Variants in ATG5 observed in about 807,000 individuals in gnomAD.
ATG5 encodes the protein autophagy protein 5.
A neutral mutation model predicts 36.5 loss-of-function variants in ATG5; 14 were observed. The ratio of observed to expected loss-of-function variants is 0.38; its 90% CI spans 0.25 to 0.60. The LOEUF (loss-of-function observed/expected upper bound fraction) is 0.60, where lower values mean the gene tolerates loss of function less well. ATG5 is among the 20% of genes least tolerant of loss of function. The pLI is 0.60. For synonymous variants in ATG5, 95 were observed against 101.5 expected (o/e 0.94, Z 0.38); for missense variants, 195 against 326.7 (o/e 0.60, Z 3.11).
At chr6:106,237,325 A>T (rs779574931) in intron 6 of ATG5, among the ~76,000 whole-genome samples, 29 of 152,208 alleles carry the variant, frequency 1.9e-4, no homozygotes, top group Non-Finnish European at 3.8e-4. Context: ...TAACTGAACC[A>T]AACTATGCCC....
Position 106,195,857 on chromosome 6 carries a change from T to A in ATG5, c.691+6115A>T, listed in dbSNP as rs1776161609. ...ACCACAAGGGAAGTCACACTGTGTATCCCCTAGAAAAGGATGTACACGTAG... is the reference window on the plus strand; with the variant it reads ...ACCACAAGGGAAGTCACACTGTGTAACCCCTAGAAAAGGATGTACACGTAG... On this transcript the variant is annotated intron_variant, in intron 7 of 7. Transcript: ENST00000369076. Among the ~76,000 whole-genome samples, 5 of 145,914 alleles carry A rather than the reference T, an allele frequency of 3.4e-5. No individual in the cohort carries two copies. The South Asian group carries it at 1.1e-3, about 33-fold the overall frequency.
chr6:106,217,178 T>C (rs1395266584), intron 6 of ATG5, among the ~76,000 whole-genome samples: 1 of 152,170 alleles, frequency 6.6e-6, no homozygotes, highest in Non-Finnish European at 1.5e-5. Flanking sequence ...ATTTCTACCT[T>C]ATCAATTCAG....
intron 6 of ATG5, among the ~76,000 whole-genome samples, chr6:106,228,668 C>CTT (rs753066452): frequency 3.9e-5 from 6 of 152,212 alleles, no homozygotes; most frequent in Non-Finnish European, 8.8e-5. Context: ...GACCTGAACC[C>CTT]GCAACCATGA....
intron 5 of ATG5, among the ~76,000 whole-genome samples, chr6:106,254,735 C>G (rs944852166): frequency 6.6e-6 from 1 of 152,202 alleles, no homozygotes; most frequent in Non-Finnish European, 1.5e-5. Flanking sequence ...AGAGAAGGCA[C>G]TGAGCTTCTA....
intron 4 of ATG5, among the ~76,000 whole-genome samples, chr6:106,292,571 T>A (rs180692492): frequency 8.5e-4 from 130 of 152,350 alleles, no homozygotes; most frequent in African/African-American, 3.0e-3. Context: ...CCCTCTGTAC[T>A]TCCATATCCA....
At chr6:106,297,720 AC>A (rs1770016224) in intron 3 of ATG5, among the ~76,000 whole-genome samples, 32 of 55,600 alleles carry the variant, frequency 5.8e-4, no homozygotes, top group African/African-American at 4.2e-3. Context: ...TGACTTAAAC[AC>A]ACACACACAC....
At chr6:106,267,554 G>A (rs561003555) in intron 5 of ATG5, among the ~76,000 whole-genome samples, 16 of 152,022 alleles carry the variant, frequency 1.1e-4, no homozygotes, top group Admixed American at 5.9e-4. Flanking sequence ...CAAAAAGAAC[G>A]AAGCTGGAGG....
chr6:106,265,199 A>G (rs1454995835), intron 5 of ATG5, among the ~76,000 whole-genome samples: 1 of 151,512 alleles, frequency 6.6e-6, no homozygotes, highest in Admixed American at 6.6e-5. Context: ...CAGGGGTTGC[A>G]ATCCTAGTCC....
At chr6:106,323,718 A>G (rs181704894) in intron 1 of ATG5, among the ~76,000 whole-genome samples, 319 of 151,800 alleles carry the variant, frequency 2.1e-3, no homozygotes, top group Non-Finnish European at 3.6e-3. Flanking sequence ...CCTACTAACA[A>G]CTCTTATTTC....
intron 4 of ATG5, among the ~76,000 whole-genome samples, chr6:106,287,510 AC>A (rs753346326): frequency 3.3e-5 from 5 of 152,180 alleles, no homozygotes; most frequent in Non-Finnish European, 5.9e-5. Context: ...GTGAGCTCTT[AC>A]CCTTAATCAT....
intron 5 of ATG5, among the ~76,000 whole-genome samples, chr6:106,260,883 T>G (rs1170616787): frequency 6.6e-6 from 1 of 152,194 alleles, no homozygotes; most frequent in African/African-American, 2.4e-5. Context: ...ACAGGCCAAG[T>G]TCAAGAACAT....
chr6:106,241,452 AAAAAT>A (rs1376941466), intron 6 of ATG5, among the ~76,000 whole-genome samples: 2 of 152,216 alleles, frequency 1.3e-5, no homozygotes, highest in Non-Finnish European at 2.9e-5. Flanking sequence ...TCAAGAAAAT[AAAAAT>A]AAAATTATCT....
chr6:106,193,318 A>AT (rs560447996), intron 7 of ATG5, among the ~76,000 whole-genome samples: 5 of 152,200 alleles, frequency 3.3e-5, no homozygotes, highest in Non-Finnish European at 7.3e-5. Flanking sequence ...CAAATACCAG[A>AT]TATACCACAT....
chr6:106,285,860 G>A (rs1450797416), intron 4 of ATG5, among the ~76,000 whole-genome samples: 1 of 151,994 alleles, frequency 6.6e-6, no homozygotes, highest in East Asian at 1.9e-4. Flanking sequence ...TTATATCACA[G>A]GCCATGCAAA....
At chr6:106,196,200 G>C (rs1056555356) in intron 7 of ATG5, among the ~76,000 whole-genome samples, 1 of 152,124 alleles carries the variant, frequency 6.6e-6, no homozygotes, top group Non-Finnish European at 1.5e-5. Flanking sequence ...ATATTATTAA[G>C]AGAGAAGAGC....
chr6:106,242,353 G>A (rs1198034441), intron 6 of ATG5, among the ~76,000 whole-genome samples: 1 of 152,146 alleles, frequency 6.6e-6, no homozygotes, highest in Non-Finnish European at 1.5e-5. Flanking sequence ...AAATAAGCCT[G>A]TCACAAAAAG....
chr6:106,245,857 A>G (rs1038866616), intron 6 of ATG5, among the ~76,000 whole-genome samples: 2 of 152,188 alleles, frequency 1.3e-5, no homozygotes, highest in Admixed American at 6.6e-5. Context: ...AACAAACAGA[A>G]TATCACAACC....
Position 106,250,919 on chromosome 6 carries a change from C to G in ATG5, c.479-2675G>C, listed in dbSNP as rs185246755. 3.3e-4 allele frequency among the ~76,000 whole-genome samples: 50 copies of G among 152,342 alleles called. 4 individuals carry two copies. The East Asian group carries it at 9.6e-3, about 29-fold the overall frequency. On this transcript the variant is annotated intron_variant, in intron 5 of 7. Coordinates refer to ENST00000369076, the MANE Select transcript of ATG5 (RefSeq NM_004849.4). ...TAAGCATCTCTACTGCAACAACTAT[C>G]TTAAGATTTCTCAGCAGAAAATGCT...
intron 3 of ATG5, among the ~76,000 whole-genome samples, chr6:106,300,538 T>C (rs1186699890): frequency 6.6e-6 from 1 of 152,118 alleles, no homozygotes; most frequent in Admixed American, 6.5e-5. Context: ...GAGAAATGCA[T>C]TGTTAAGCAA....
Sources: gnomAD v4.1 joint callset for allele counts (sites outside exome capture counted in the v4.1 genomes callset) on GRCh38, gnomAD v4.1.1 for gene constraint, MANE v1.5 for transcripts, NCBI Gene and HGNC (gene_info 2026-07-23, HGNC 2026-07-21) for gene names.